The following ELOVL6 variants were observed in gnomAD, a reference collection of about 807,000 sequenced individuals.
ELOVL6 encodes ELOVL fatty acid elongase 6, also known as very long chain fatty acid elongase 6.
A neutral mutation model predicts 31.7 loss-of-function variants in ELOVL6; 8 were observed. That is an observed-to-expected ratio of 0.25 (90% CI 0.15 to 0.45). The LOEUF is 0.45. ELOVL6 is among the 20% of genes least tolerant of loss of function. ELOVL6 has a pLI of 1.00. For synonymous variants in ELOVL6, 101 were observed against 117.7 expected (o/e 0.86, Z 0.92); for missense variants, 126 against 326.4 (o/e 0.39, Z 4.73).
At chr4:110,091,951 G>C (rs1283350956) in intron 2 of ELOVL6, among the ~76,000 whole-genome samples, 1 of 152,146 alleles carries the variant, frequency 6.6e-6, no homozygotes, top group African/African-American at 2.4e-5. Flanking sequence ...GAATGATCTA[G>C]GATAACAATG....
intron 1 of ELOVL6, among the ~76,000 whole-genome samples, chr4:110,169,689 A>G (rs1480109268): frequency 2.0e-5 from 3 of 152,070 alleles, no homozygotes; most frequent in Non-Finnish European, 4.4e-5. Flanking sequence ...TCTTCTTCCC[A>G]GTTCTCTCTG....
rs1223396952 is a variant in ELOVL6, at chr4:110,169,846, C to T, written c.89+28401G>A. Among the ~76,000 whole-genome samples, 4 of 142,836 alleles carry T rather than the reference C, an allele frequency of 2.8e-5. No homozygotes were observed. In the Admixed American group the frequency reaches 2.9e-4, roughly 10 times the overall value. 93.7% of individuals were successfully genotyped at this position (142,836 alleles called of 152,430 possible). A position where few individuals can be genotyped will look rare whatever the true frequency, so the allele number is the denominator to read the frequency against. On this transcript the variant is annotated intron_variant, in intron 1 of 3. Coordinates refer to ENST00000302274, the MANE Select transcript of ELOVL6 (RefSeq NM_024090.3). The stretch of plus-strand genomic sequence containing the variant: ...TTGAGATGGAGTTTCCCTCTTGTTG[C>T]CCAGGCTGAGTGCAATGGTGCGATC...
intron 1 of ELOVL6, among the ~76,000 whole-genome samples, chr4:110,167,301 G>A (rs147040680): frequency 1.1e-4 from 17 of 152,192 alleles, no homozygotes; most frequent in African/African-American, 4.1e-4. Context: ...AGTACATACA[G>A]CGTTAAGTAC....
chr4:110,063,688 T>C (rs1211588351), intron 2 of ELOVL6, among the ~76,000 whole-genome samples: 1 of 151,608 alleles, frequency 6.6e-6, no homozygotes, highest in Non-Finnish European at 1.5e-5. Flanking sequence ...TGGACCACTG[T>C]GTTGAATGAA....
intron 2 of ELOVL6, among the ~76,000 whole-genome samples, chr4:110,071,434 T>C (rs1272510300): frequency 1.3e-5 from 2 of 152,202 alleles, no homozygotes; most frequent in Admixed American, 1.3e-4. Context: ...TTTCTTTCCA[T>C]GTTTAGTTAT....
chr4:110,061,387 G>A (rs554733966), intron 2 of ELOVL6, among the ~76,000 whole-genome samples: 5 of 152,006 alleles, frequency 3.3e-5, no homozygotes, highest in Admixed American at 6.6e-5. Context: ...CTTATCTTAA[G>A]GAAATGTCTC....
At chr4:110,169,291 T>A (rs370037339) in intron 1 of ELOVL6, among the ~76,000 whole-genome samples, 1 of 145,594 alleles carries the variant, frequency 6.9e-6, no homozygotes, top group Non-Finnish European at 1.5e-5. Flanking sequence ...CAGGTTGGAG[T>A]GCAGTGGTGC....
chr4:110,055,716 C>T (rs1754961960), intron 3 of ELOVL6, among the ~76,000 whole-genome samples: 1 of 152,066 alleles, frequency 6.6e-6, no homozygotes, highest in Non-Finnish European at 1.5e-5. Context: ...TGAGTCAGAG[C>T]TTCAAAAACA....
intron 1 of ELOVL6, among the ~76,000 whole-genome samples, chr4:110,162,570 CT>C (rs1560851681): frequency 4.6e-5 from 3 of 65,798 alleles, no homozygotes; most frequent in Non-Finnish European, 2.7e-5. Context: ...TCTCCAACTC[CT>C]AGGCTCATGC....
chr4:110,060,974 C>A (rs7683007), intron 2 of ELOVL6, among the ~76,000 whole-genome samples: 23 of 152,152 alleles, frequency 1.5e-4, no homozygotes, highest in African/African-American at 5.3e-4. Flanking sequence ...GGTCAACTTT[C>A]TACAGTATCA....
chr4:110,189,218 G>C (rs1759534875), intron 1 of ELOVL6, among the ~76,000 whole-genome samples: 1 of 152,042 alleles, frequency 6.6e-6, no homozygotes, highest in Non-Finnish European at 1.5e-5. Context: ...AGCGGAGTTT[G>C]AGATTACAGT....
chr4:110,157,793 T>C (rs1758494288), intron 1 of ELOVL6, among the ~76,000 whole-genome samples: 1 of 152,246 alleles, frequency 6.6e-6, no homozygotes, highest in African/African-American at 2.4e-5. Flanking sequence ...TGTAAAGCTA[T>C]GTGCCCTCAG....
intron 1 of ELOVL6, among the ~76,000 whole-genome samples, chr4:110,141,453 C>G (rs1578511931): frequency 6.6e-6 from 1 of 152,002 alleles, no homozygotes; most frequent in Admixed American, 6.6e-5. Flanking sequence ...AAAAATGCAA[C>G]TGAAACAGTA....
intron 1 of ELOVL6, among the ~76,000 whole-genome samples, chr4:110,173,699 AT>A (rs1759019754): frequency 1.4e-5 from 2 of 141,982 alleles, no homozygotes; most frequent in East Asian, 2.0e-4. Context: ...AATAATAATA[AT>A]AATAAATTCC....
At position 110,060,660 on chromosome 4, in the gene ELOVL6, C is replaced by T. The variant is rs540139863; in HGVS notation, c.222-906G>A. On this transcript the variant is annotated intron_variant, in intron 2 of 3. Transcript: ENST00000302274. The stretch of plus-strand genomic sequence containing the variant: ...CAATAGGAACAAGCAGCCACTATTA[C>T]GAAGTGAGCCCCTTAAGTGTATGTC... Among the ~76,000 whole-genome samples the T allele has an allele frequency of 5.9e-5, 9 of 152,300 alleles. No individual in the cohort carries two copies. In the South Asian group the frequency reaches 8.3e-4, roughly 14 times the overall value.
At chr4:110,170,940 C>T (rs1270472048) in intron 1 of ELOVL6, among the ~76,000 whole-genome samples, 2 of 152,126 alleles carry the variant, frequency 1.3e-5, no homozygotes, top group Non-Finnish European at 2.9e-5. Flanking sequence ...CCTTCCCTTG[C>T]CCTGGTTTCC....
chr4:110,125,309 A>G (rs1757461868), intron 1 of ELOVL6, among the ~76,000 whole-genome samples: 1 of 152,118 alleles, frequency 6.6e-6, no homozygotes, highest in Non-Finnish European at 1.5e-5. Context: ...TGTTTCAAAG[A>G]TAAGATATTG....
chr4:110,173,596 C>A (rs993384272), intron 1 of ELOVL6, among the ~76,000 whole-genome samples: 4 of 146,822 alleles, frequency 2.7e-5, no homozygotes, highest in Non-Finnish European at 6.0e-5. Flanking sequence ...TTGATCAGGT[C>A]AAGTGACATG....
chr4:110,091,619 A>G (rs1756429213), intron 2 of ELOVL6, among the ~76,000 whole-genome samples: 1 of 152,226 alleles, frequency 6.6e-6, no homozygotes, highest in African/African-American at 2.4e-5. Context: ...TCTTCAATTC[A>G]TAAGCAATTC....
Sources: gnomAD v4.1 joint callset for allele counts (sites outside exome capture counted in the v4.1 genomes callset) on GRCh38, gnomAD v4.1.1 for gene constraint, MANE v1.5 for transcripts, NCBI Gene and HGNC (gene_info 2026-07-23, HGNC 2026-07-21) for gene names.